Variants in FHIT observed in about 807,000 individuals in gnomAD.
FHIT encodes fragile histidine triad diadenosine triphosphatase.
FHIT carries 19 observed loss-of-function variants against 17.9 expected under a neutral mutation model. That is an observed-to-expected ratio of 1.06 (90% CI 0.74 to 1.56). FHIT has a LOEUF of 1.56. FHIT is among the 40% of genes most tolerant of loss of function. The pLI is 0.00. For missense variants in FHIT, 248 were observed against 189.2 expected (o/e 1.31, Z -1.82); for synonymous variants, 81 against 69.7 (o/e 1.16, Z -0.81).
At chr3:60,179,878 A>G (rs1701847292) in intron 5 of FHIT, among the ~76,000 whole-genome samples, 1 of 152,162 alleles carries the variant, frequency 6.6e-6, no homozygotes, top group African/African-American at 2.4e-5. Context: ...AGCTACCATT[A>G]ATTCCCCAGT....
At chr3:60,546,313 C>T (rs973716757) in intron 4 of FHIT, among the ~76,000 whole-genome samples, 1 of 152,100 alleles carries the variant, frequency 6.6e-6, no homozygotes, top group Admixed American at 6.6e-5. Flanking sequence ...ATTACACATT[C>T]TATTTTTATT....
At chr3:59,766,316 A>T (rs1701794524) in intron 8 of FHIT, among the ~76,000 whole-genome samples, 1 of 152,362 alleles carries the variant, frequency 6.6e-6, no homozygotes, top group Middle Eastern at 3.4e-3. Flanking sequence ...TTTCCTCAAG[A>T]TAGGAATCCA....
At chr3:60,635,258 CT>C (rs2039551944) in intron 4 of FHIT, among the ~76,000 whole-genome samples, 1 of 140,100 alleles carries the variant, frequency 7.1e-6, no homozygotes, top group Non-Finnish European at 1.5e-5. Context: ...TGAAAGATTA[CT>C]CCAGGTTCTT....
chr3:59,790,335 C>A (rs952421914), intron 8 of FHIT, among the ~76,000 whole-genome samples: 2 of 152,122 alleles, frequency 1.3e-5, no homozygotes, highest in Non-Finnish European at 1.5e-5. Context: ...GGACACGGTG[C>A]ACTGAGTCAA....
chr3:60,418,802 C>A (rs1403462335), intron 5 of FHIT, among the ~76,000 whole-genome samples: 1 of 151,790 alleles, frequency 6.6e-6, no homozygotes, highest in Admixed American at 6.6e-5. Flanking sequence ...GGAAAGACAT[C>A]TATGACATAT....
At chr3:60,580,421 A>T (rs1181669601) in intron 4 of FHIT, among the ~76,000 whole-genome samples, 1 of 152,144 alleles carries the variant, frequency 6.6e-6, no homozygotes, top group Non-Finnish European at 1.5e-5. Context: ...TACCTAAATT[A>T]TGATGATAGG....
chr3:60,231,833 G>C (rs1319435719), intron 5 of FHIT, among the ~76,000 whole-genome samples: 1 of 152,164 alleles, frequency 6.6e-6, no homozygotes, highest in Non-Finnish European at 1.5e-5. Context: ...GGATTTTACA[G>C]ATGTAATTCA....
At chr3:60,392,226 T>A (rs558895717) in intron 5 of FHIT, among the ~76,000 whole-genome samples, 1 of 152,166 alleles carries the variant, frequency 6.6e-6, no homozygotes, top group Non-Finnish European at 1.5e-5. Flanking sequence ...CAGAGCAACA[T>A]GAATAACATG....
chr3:60,167,507 G>C (rs1701227326), intron 5 of FHIT, among the ~76,000 whole-genome samples: 1 of 152,158 alleles, frequency 6.6e-6, no homozygotes. Context: ...AATGCAACTA[G>C]TATAAACCAA....
At chr3:60,652,954 A>C (rs9873803) in intron 4 of FHIT, among the ~76,000 whole-genome samples, 4,873 of 129,894 alleles carry the variant, frequency 0.038, 5 homozygotes, top group African/African-American at 0.068. Flanking sequence ...AAAACAAAAC[A>C]AAACCTTACT....
intron 1 of FHIT, among the ~76,000 whole-genome samples, chr3:61,241,913 T>C (rs897628116): frequency 3.3e-5 from 5 of 152,184 alleles, no homozygotes; most frequent in Non-Finnish European, 7.3e-5. Flanking sequence ...GTTAACACTC[T>C]GGCAAAAACA....
chr3:60,274,128 C>G (rs1443431845), intron 5 of FHIT, among the ~76,000 whole-genome samples: 18 of 152,162 alleles, frequency 1.2e-4, no homozygotes. Context: ...CTTCTACTCT[C>G]AGTTCAGCTT....
rs529892725 is a variant in FHIT at position 60,370,769 on chromosome 3, C to A, written c.103+166091G>T. Among the ~76,000 whole-genome samples, 15 of 152,330 alleles carry A rather than the reference C, an allele frequency of 9.8e-5. No individual in the cohort carries two copies. In the East Asian group the frequency reaches 2.9e-3, roughly 29 times the overall value. The stretch of plus-strand genomic sequence containing the variant: ...AAAATCACTCACTCTATTCCCACAG[C>A]CTTCAAACTGGTCTCTTCCCTCCTA... On this transcript the variant is annotated intron_variant, in intron 5 of 9. Coordinates refer to ENST00000492590, the MANE Select transcript of FHIT (RefSeq NM_002012.4).
intron 7 of FHIT, among the ~76,000 whole-genome samples, chr3:59,998,388 G>A (rs1180480101): frequency 6.6e-6 from 1 of 152,024 alleles, no homozygotes; most frequent in Non-Finnish European, 1.5e-5. Flanking sequence ...CACATTTTAT[G>A]GAGCAAATAT....
chr3:60,255,558 G>A (rs988744958), intron 5 of FHIT, among the ~76,000 whole-genome samples: 1 of 152,086 alleles, frequency 6.6e-6, no homozygotes, highest in African/African-American at 2.4e-5. Flanking sequence ...TGAAGGCCCT[G>A]AGTAGCTGGA....
At chr3:61,233,161 A>G (rs2040147719) in intron 1 of FHIT, among the ~76,000 whole-genome samples, 1 of 152,188 alleles carries the variant, frequency 6.6e-6, no homozygotes, top group African/African-American at 2.4e-5. Flanking sequence ...GTATACATCC[A>G]GGTCCTTAAA....
chr3:59,940,920 T>C (rs1706483119), intron 7 of FHIT, among the ~76,000 whole-genome samples: 1 of 152,150 alleles, frequency 6.6e-6, no homozygotes, highest in Admixed American at 6.6e-5. Context: ...AATTTCTATA[T>C]TACATATAAA....
At chr3:60,594,088 T>C (rs369707693) in intron 4 of FHIT, among the ~76,000 whole-genome samples, 2 of 152,286 alleles carry the variant, frequency 1.3e-5, no homozygotes, top group South Asian at 2.1e-4. Context: ...TTACTTTTAA[T>C]GTTTCCAGAA....
intron 8 of FHIT, among the ~76,000 whole-genome samples, chr3:59,878,359 C>T (rs73100624): frequency 0.022 from 3,315 of 152,174 alleles, 47 homozygotes; most frequent in South Asian, 0.062. Flanking sequence ...TCCATCTTCC[C>T]GCCTCAAGTG....
Sources: gnomAD v4.1 joint callset for allele counts (sites outside exome capture counted in the v4.1 genomes callset) on GRCh38, gnomAD v4.1.1 for gene constraint, MANE v1.5 for transcripts, NCBI Gene and HGNC (gene_info 2026-07-23, HGNC 2026-07-21) for gene names.